The following REEP1 variants were observed in gnomAD, a reference collection of about 807,000 sequenced individuals.
The protein encoded by REEP1 is receptor expression-enhancing protein 1.
A neutral mutation model predicts 40.3 loss-of-function variants in REEP1; 22 were observed. That is an observed-to-expected ratio of 0.55 (90% confidence interval 0.39 to 0.78). The LOEUF (loss-of-function observed/expected upper bound fraction) is 0.78. REEP1 is among the 30% of genes least tolerant of loss of function. REEP1 has a pLI of 0.00. For missense variants in REEP1, 280 were observed against 361.1 expected (o/e 0.78, Z 1.82); for synonymous variants, 116 against 139.2 (o/e 0.83, Z 1.17).
At chr2:86,283,990 T>G in intron 1 of REEP1, among the ~76,000 whole-genome samples, 1 of 150,686 alleles carries the variant, frequency 6.6e-6, no homozygotes, top group South Asian at 2.1e-4. Flanking sequence ...GATGAGAGAG[T>G]AGTGGAAGGA....
rs1674142158 is a variant in REEP1 at position 86,216,936 on chromosome 2, A to C, written c.*103T>G. The stretch of plus-strand genomic sequence containing the variant: ...AAAGGCCATGTTTGTGAGGCTGCAC[A>C]CTCAAAGCACACCCAGCTTGCGGAT... On this transcript the variant is annotated 3_prime_UTR_variant, in exon 9 of 9. Transcript: ENST00000538924. The C allele has an allele frequency of 2.2e-6, 2 of 921,264 alleles. No individual in the cohort carries two copies. Among genetic ancestry groups the C allele is most frequent in the Non-Finnish European group, 3.5e-6 (2 of 570,556 alleles). 57.1% of individuals were successfully genotyped at this position (921,264 alleles called of 1,614,324 possible).
At chr2:86,280,458 C>T (rs958586682) in intron 2 of REEP1, among the ~76,000 whole-genome samples, 41 of 152,218 alleles carry the variant, frequency 2.7e-4, no homozygotes, top group African/African-American at 8.7e-4. Context: ...GAGTTGTTTT[C>T]GCCCCTGCAA....
intron 1 of REEP1, among the ~76,000 whole-genome samples, chr2:86,298,593 G>C (rs1679107431): frequency 6.6e-6 from 1 of 152,230 alleles, no homozygotes; most frequent in African/African-American, 2.4e-5. Context: ...GTCCAGCCCT[G>C]GCCTCTGCTG....
intron 5 of REEP1, among the ~76,000 whole-genome samples, chr2:86,246,795 G>A (rs982497496): frequency 7.4e-5 from 11 of 148,426 alleles, no homozygotes; most frequent in Non-Finnish European, 1.6e-4. Flanking sequence ...TCCACCTCCT[G>A]AGTTCAAGAG....
chr2:86,225,433 G>A (rs150159816), intron 7 of REEP1, among the ~76,000 whole-genome samples: 5,247 of 152,138 alleles, frequency 0.034, 128 homozygotes, highest in African/African-American at 0.05. Context: ...CACCTCACCC[G>A]GCTAATTTTA....
chr2:86,328,144 T>G (rs912271282), intron 1 of REEP1, among the ~76,000 whole-genome samples: 1 of 152,096 alleles, frequency 6.6e-6, no homozygotes, highest in African/African-American at 2.4e-5. Flanking sequence ...CTCGTGGTTC[T>G]CAGCTTCAGG....
intron 2 of REEP1, among the ~76,000 whole-genome samples, chr2:86,265,270 G>A (rs905350356): frequency 2.0e-5 from 3 of 152,204 alleles, no homozygotes; most frequent in African/African-American, 7.2e-5. Context: ...TGGAATTCAA[G>A]TCATGCAAAG....
rs561955534 is a variant in REEP1 at position 86,226,843 on chromosome 2, C to T, written c.631+520G>A. On this transcript the variant is annotated intron_variant, in intron 7 of 8. Transcript: ENST00000538924. ...CCTTCAAGAGGTGGAGATTAATTCT[C>T]CTCCCCTTGAATGTGGGCTGTGCTT... Among the ~76,000 whole-genome samples, 75 of 152,156 alleles carry T rather than the reference C, an allele frequency of 4.9e-4. No homozygotes were observed. In the South Asian group the frequency reaches 0.014, roughly 29 times the overall value.
chr2:86,298,427 C>T (rs1372119958), intron 1 of REEP1, among the ~76,000 whole-genome samples: 1 of 152,244 alleles, frequency 6.6e-6, no homozygotes, highest in Non-Finnish European at 1.5e-5. Context: ...ATTCAGAAAA[C>T]ATTCACCTAG....
At chr2:86,304,620 C>T (rs564840042) in intron 1 of REEP1, among the ~76,000 whole-genome samples, 16 of 152,234 alleles carry the variant, frequency 1.1e-4, no homozygotes, top group Admixed American at 2.0e-4. Flanking sequence ...AAGACCATCT[C>T]CCTGCTCCAG....
intron 1 of REEP1, among the ~76,000 whole-genome samples, chr2:86,287,626 G>A (rs578215380): frequency 2.0e-5 from 3 of 152,232 alleles, no homozygotes; most frequent in African/African-American, 7.2e-5. Flanking sequence ...CTCCAAGACT[G>A]TTTTCGCTGT....
intron 1 of REEP1, among the ~76,000 whole-genome samples, chr2:86,299,536 T>C (rs1257437755): frequency 6.6e-6 from 1 of 152,200 alleles, no homozygotes; most frequent in Non-Finnish European, 1.5e-5. Context: ...GTGTGCCTTC[T>C]ACACACTTGG....
intron 5 of REEP1, among the ~76,000 whole-genome samples, chr2:86,249,923 C>T (rs759541690): frequency 7.2e-5 from 11 of 152,208 alleles, no homozygotes; most frequent in Non-Finnish European, 1.3e-4. Context: ...AAAATTTTCT[C>T]ATCTGAAACC....
chr2:86,246,114 T>C (rs1675940991), intron 5 of REEP1, among the ~76,000 whole-genome samples: 1 of 152,228 alleles, frequency 6.6e-6, no homozygotes, highest in South Asian at 2.1e-4. Flanking sequence ...ATGTGGCAAG[T>C]GGATACCATA....
At chr2:86,289,787 G>GT (rs1422536511) in intron 1 of REEP1, among the ~76,000 whole-genome samples, 1 of 152,002 alleles carries the variant, frequency 6.6e-6, no homozygotes, top group Non-Finnish European at 1.5e-5. Flanking sequence ...GGTTTTGGGG[G>GT]TTTTTTTGGT....
At position 86,214,750 on chromosome 2, in the gene REEP1, A is replaced by C. The variant is rs1674011898; in HGVS notation, c.*2289T>G. ...AACCGACTCCCTAGTCAACACTTGA[A>C]GGAAAAATAGTTACATTTACATTAA... On this transcript the variant is annotated 3_prime_UTR_variant, in exon 9 of 9. Coordinates refer to ENST00000538924, the MANE Select transcript of REEP1 (RefSeq NM_001371279.1). 6.5e-6 allele frequency: 1 copy of C among 152,676 alleles called. No individual in the cohort carries two copies. Among genetic ancestry groups the C allele is most frequent in the Non-Finnish European group, 1.5e-5 (1 of 68,040 alleles). The allele number at this position is 152,676 out of a possible 1,614,324, so 9.5% of individuals were successfully genotyped here. A position where few individuals can be genotyped will look rare whatever the true frequency, so the allele number is the denominator to read the frequency against.
intron 7 of REEP1, among the ~76,000 whole-genome samples, chr2:86,221,938 C>A (rs980821348): frequency 2.6e-5 from 4 of 152,146 alleles, no homozygotes; most frequent in Admixed American, 2.6e-4. Flanking sequence ...CAGCTCCACC[C>A]CAGCAGCCAA....
At chr2:86,333,820 A>G (rs1016494654) in intron 1 of REEP1, among the ~76,000 whole-genome samples, 1 of 152,254 alleles carries the variant, frequency 6.6e-6, no homozygotes, top group African/African-American at 2.4e-5. Context: ...CCTGTGTCCC[A>G]TGAAGGTATC....
At chr2:86,330,462 T>TG (rs1573066723) in intron 1 of REEP1, among the ~76,000 whole-genome samples, 3 of 142,342 alleles carry the variant, frequency 2.1e-5, no homozygotes, top group Non-Finnish European at 3.0e-5. Flanking sequence ...TGTGTGTGTG[T>TG]TAAGACAGGG....
Sources: allele counts gnomAD v4.1 joint callset (sites outside exome capture counted in the v4.1 genomes callset), GRCh38; gene constraint gnomAD v4.1.1; transcripts MANE v1.5; gene names NCBI Gene and HGNC (gene_info 2026-07-23, HGNC 2026-07-21).